DENND5B: variants seen among roughly 807,000 people sequenced by gnomAD.
The protein encoded by DENND5B is DENN domain-containing protein 5B.
A neutral mutation model predicts 140.6 loss-of-function variants in DENND5B; 34 were observed. The ratio of observed to expected loss-of-function variants is 0.24; its 90% confidence interval spans 0.18 to 0.32. The LOEUF (loss-of-function observed/expected upper bound fraction) is 0.32, where lower values mean the gene tolerates loss of function less well. DENND5B is among the 10% of genes least tolerant of loss of function. DENND5B has a pLI of 1.00. For synonymous variants in DENND5B, 551 were observed against 562.1 expected (o/e 0.98, Z 0.28); for missense variants, 1,142 against 1,560.2 (o/e 0.73, Z 4.52).
rs117627431 is a variant in DENND5B at position 31,517,680 on chromosome 12, C to T, written c.128-21761G>A. Among the ~76,000 whole-genome samples the T allele has an allele frequency of 1.2e-4, 19 of 152,280 alleles. No homozygotes were observed. The East Asian group carries it at 3.7e-3, about 29-fold the overall frequency. The stretch of plus-strand genomic sequence containing the variant: ...GATTAAGTCTCCTCATTTCCCAGCC[C>T]TAAACTAGTAGGGGTGCTTTTAATG... On this transcript the variant is annotated intron_variant, in intron 1 of 20. Transcript: ENST00000389082.
At chr12:31,435,619 A>C (rs1593158464) in intron 7 of DENND5B, among the ~76,000 whole-genome samples, 1 of 151,954 alleles carries the variant, frequency 6.6e-6, no homozygotes, top group East Asian at 1.9e-4. Flanking sequence ...AGTTCATTTC[A>C]AATCATCTAC....
chr12:31,447,882 T>C, intron 5 of DENND5B, 113 bp from the exon 6 acceptor site: 1 of 792,124 alleles, frequency 1.3e-6, no homozygotes, highest in Non-Finnish European at 2.0e-6. Flanking sequence ...CTTATAAAAC[T>C]GACACTTGAA....
intron 3 of DENND5B, 93 bp from the exon 4 acceptor site, chr12:31,460,474 T>G: frequency 8.0e-7 from 1 of 1,257,216 alleles, no homozygotes; most frequent in Non-Finnish European, 1.1e-6. Context: ...AGAAAAAAAT[T>G]TCTGCGTTAA....
chr12:31,548,191 A>G (rs1482758237), intron 1 of DENND5B, among the ~76,000 whole-genome samples: 63 of 152,162 alleles, frequency 4.1e-4, no homozygotes, highest in Admixed American at 4.1e-3. Context: ...CAGAAGTTCA[A>G]GACCAGCCTG....
At position 31,479,003 on chromosome 12, in the gene DENND5B, C is replaced by CCA. The variant is rs59317176; in HGVS notation, c.904+584_904+585dup. Among the ~76,000 whole-genome samples the CCA allele has an allele frequency of 7.3e-3, 1,096 of 150,696 alleles. 12 individuals are homozygous for CCA. Among genetic ancestry groups the CCA allele is most frequent in the African/African-American group, 0.023 (956 of 41,132 alleles). The stretch of plus-strand genomic sequence containing the variant: ...GAGATTAAAAAACATAAACAAAAAA[C>CCA]CACACACACACACACACAACTCTGG... On this transcript the variant is annotated intron_variant, in intron 3 of 20. Coordinates refer to ENST00000389082, the MANE Select transcript of DENND5B (RefSeq NM_144973.4).
chr12:31,483,865 C>CTTTTTTTT (rs200066618), intron 2 of DENND5B, among the ~76,000 whole-genome samples: 8 of 129,418 alleles, frequency 6.2e-5, no homozygotes, highest in Non-Finnish European at 1.2e-4. Flanking sequence ...CTTTTCTTTT[C>CTTTTTTTT]TTTTTTTTTT....
At chr12:31,561,101 C>T (rs2139326936) in intron 1 of DENND5B, among the ~76,000 whole-genome samples, 1 of 152,112 alleles carries the variant, frequency 6.6e-6, no homozygotes, top group East Asian at 1.9e-4. Flanking sequence ...AAGAGAACTC[C>T]GTATGTAAGG....
In DENND5B at chr12:31,398,179, G is replaced by A. The variant is rs1427097948; in HGVS notation, c.3252C>T (p.Asn1084=). Residue 1084 remains asparagine (N), a synonymous_variant, in exon 17 of 21, where the codon AAC becomes AAT. Coordinates refer to ENST00000389082, the MANE Select transcript of DENND5B (RefSeq NM_144973.4). ...GAAAAATTTAAATAAATTTACTGTT[G>A]TTTTTTCCTGTCAGTGAAGTGATGC... ...RLSITSLTGK[N]NKPNAGQIQE... 1 of 1,587,000 alleles carries A rather than the reference G, an allele frequency of 6.3e-7. No homozygotes were observed. Among genetic ancestry groups the A allele is most frequent in the South Asian group, 1.2e-5 (1 of 86,358 alleles).
chr12:31,579,215 A>C (rs1444358034), intron 1 of DENND5B, among the ~76,000 whole-genome samples: 1 of 152,244 alleles, frequency 6.6e-6, no homozygotes, highest in African/African-American at 2.4e-5. Context: ...ATTCTTGGAA[A>C]AGGTGCAGAA....
At chr12:31,536,321 A>G (rs1414219644) in intron 1 of DENND5B, among the ~76,000 whole-genome samples, 1 of 152,188 alleles carries the variant, frequency 6.6e-6, no homozygotes, top group African/African-American at 2.4e-5. Flanking sequence ...AAAATTCAAG[A>G]TAACACGGAG....
chr12:31,392,831 C>T, intron 17 of DENND5B, 135 bp from the exon 18 acceptor site: 1 of 829,256 alleles, frequency 1.2e-6, no homozygotes, highest in Non-Finnish European at 1.8e-6. Flanking sequence ...CTCCATAGAA[C>T]TTGCCTCTGG....
intron 5 of DENND5B, chr12:31,451,600 G>T: frequency 3.8e-6 from 1 of 264,292 alleles, no homozygotes; most frequent in Non-Finnish European, 7.3e-6. Context: ...TGGGATTACA[G>T]GCATGAGCCA....
intron 17 of DENND5B, among the ~76,000 whole-genome samples, chr12:31,395,253 A>T (rs1417327816): frequency 6.6e-6 from 1 of 152,200 alleles, no homozygotes; most frequent in Non-Finnish European, 1.5e-5. Flanking sequence ...CTAGCAATGC[A>T]TGAGCTTTCT....
intron 1 of DENND5B, among the ~76,000 whole-genome samples, chr12:31,554,432 T>A (rs1259393): frequency 6.6e-6 from 1 of 152,056 alleles, no homozygotes; most frequent in African/African-American, 2.4e-5. Flanking sequence ...CCAAGAGATC[T>A]GCTGTTAGTC....
At chr12:31,506,389 T>C (rs1591946195) in intron 1 of DENND5B, 1 of 152,208 alleles carries the variant, frequency 6.6e-6, no homozygotes, top group South Asian at 2.1e-4. Context: ...TCAACACCAC[T>C]GCACTCGGAC....
At chr12:31,568,745 A>T (rs1949714852) in intron 1 of DENND5B, among the ~76,000 whole-genome samples, 1 of 152,234 alleles carries the variant, frequency 6.6e-6, no homozygotes, top group Non-Finnish European at 1.5e-5. Context: ...CACCCTGAAC[A>T]CATGCCCCCA....
At chr12:31,505,500 T>C (rs1947165213) in intron 1 of DENND5B, among the ~76,000 whole-genome samples, 1 of 152,080 alleles carries the variant, frequency 6.6e-6, no homozygotes, top group Non-Finnish European at 1.5e-5. Flanking sequence ...GCCTCCCAAG[T>C]GCTGGGATTA....
intron 4 of DENND5B, among the ~76,000 whole-genome samples, chr12:31,456,198 C>G (rs921231648): frequency 6.6e-6 from 1 of 151,922 alleles, no homozygotes; most frequent in Non-Finnish European, 1.5e-5. Flanking sequence ...AGTGTGGTGG[C>G]GTGCACCTGT....
At chr12:31,510,205 T>C (rs557065443) in intron 1 of DENND5B, among the ~76,000 whole-genome samples, 13 of 152,338 alleles carry the variant, frequency 8.5e-5, no homozygotes, top group African/African-American at 3.1e-4. Flanking sequence ...GAGCCAGAAG[T>C]CTGGCACAGC....
Sources: gnomAD v4.1 joint callset for allele counts (sites outside exome capture counted in the v4.1 genomes callset) on GRCh38, gnomAD v4.1.1 for gene constraint, MANE v1.5 for transcripts, NCBI Gene and HGNC (gene_info 2026-07-23, HGNC 2026-07-21) for gene names.